NOL10: variants seen among roughly 807,000 people sequenced by gnomAD.
The protein encoded by NOL10 is H_NH0074G24.1.
A neutral mutation model predicts 103.5 loss-of-function variants in NOL10; 58 were observed. The observed-to-expected ratio is 0.56, with a 90% CI of 0.45 to 0.70. The LOEUF is 0.70. NOL10 is among the 30% of genes least tolerant of loss of function. The pLI, the probability that NOL10 is intolerant of heterozygous loss-of-function variation, is 0.00. For synonymous variants in NOL10, 287 were observed against 282.5 expected (o/e 1.02, Z -0.16); for missense variants, 763 against 807.3 (o/e 0.95, Z 0.67).
intron 12 of NOL10, among the ~76,000 whole-genome samples, chr2:10,652,099 G>T (rs1174455111): frequency 1.3e-5 from 2 of 152,076 alleles, no homozygotes. Flanking sequence ...TATTAGCCGG[G>T]CGTGGTGGCG....
At chr2:10,576,210 C>T (rs949905948) in intron 20 of NOL10, among the ~76,000 whole-genome samples, 11 of 152,090 alleles carry the variant, frequency 7.2e-5, no homozygotes, top group Non-Finnish European at 1.0e-4. Flanking sequence ...TAAAGATGAC[C>T]GACAGAGACA....
chr2:10,689,907 G>T lies in NOL10; in HGVS notation c.-46C>A, dbSNP rs370613749. On this transcript the variant is annotated 5_prime_UTR_variant, in exon 1 of 21. Transcript: ENST00000381685. ...AAGTCCCGGGTCCTTTCCCACCAGC[G>T]TGCTCGAGCACCGTAATCCCGGGAC... 3.9e-6 allele frequency: 6 copies of T among 1,556,214 alleles called. No individual in the cohort carries two copies. The highest frequency in any genetic ancestry group is 5.2e-6 in the Non-Finnish European group (6 of 1,144,678).
At chr2:10,669,217 C>G (rs1558341261) in intron 6 of NOL10, among the ~76,000 whole-genome samples, 2 of 151,370 alleles carry the variant, frequency 1.3e-5, no homozygotes, top group Non-Finnish European at 2.9e-5. Context: ...TTAGTAGAGA[C>G]AGGGTTTCAC....
In NOL10 at chr2:10,589,744, G is replaced by A. The variant is rs745677386; in HGVS notation, c.1430C>T (p.Pro477Leu). ...AAATCGATCATCGGTGAGAATATTA[G>A]GAAGACTCTACAAGGAGGAAAAAGT... ...STWKKKVKSLPNILTDDRFKV... is the reference protein window; with the variant it reads ...STWKKKVKSLLNILTDDRFKV... Residue 477 changes from proline (P) to leucine (L), a missense_variant, in exon 18 of 21, where the codon CCT (proline) becomes CTT (leucine). Transcript: ENST00000381685. The A allele has an allele frequency of 4.6e-6, 7 of 1,521,592 alleles. No individual in the cohort carries two copies. The South Asian group carries it at 8.1e-5, about 18-fold the overall frequency. The allele number at this position is 1,521,592 out of a possible 1,614,324, so 94.3% of individuals were successfully genotyped here. A position where few individuals can be genotyped will look rare whatever the true frequency, so the allele number is the denominator to read the frequency against.
rs561914740 is a variant in NOL10, at chr2:10,655,666, T to C, written c.907-1119A>G. Among the ~76,000 whole-genome samples, 7 of 152,298 alleles carry C rather than the reference T, an allele frequency of 4.6e-5. No individual in the cohort carries two copies. In the South Asian group the frequency reaches 8.3e-4, roughly 18 times the overall value. On this transcript the variant is annotated intron_variant, in intron 11 of 20. Transcript: ENST00000381685. ...TGGGTGTTAGTCAAGAGGAAGTCTT[T>C]AGTCATAAGAAACAAAAAAAATGCC... is the stretch of plus-strand genomic sequence containing the variant.
At chr2:10,590,262 C>T (rs1316555210) in intron 17 of NOL10, among the ~76,000 whole-genome samples, 2 of 152,276 alleles carry the variant, frequency 1.3e-5, no homozygotes, top group South Asian at 4.1e-4. Context: ...AGGTGCACCA[C>T]CGCACCCGGC....
intron 16 of NOL10, among the ~76,000 whole-genome samples, chr2:10,601,686 G>A (rs908582207): frequency 3.3e-5 from 5 of 152,092 alleles, no homozygotes; most frequent in Non-Finnish European, 2.9e-5. Context: ...GGTAGTGTGC[G>A]CCTATAGTCC....
intron 13 of NOL10, among the ~76,000 whole-genome samples, chr2:10,642,854 G>A (rs531477261): frequency 7.9e-5 from 12 of 151,990 alleles, no homozygotes; most frequent in African/African-American, 2.4e-4. Context: ...TCTCTCCTAC[G>A]TGCTCCCACC....
At chr2:10,661,109 CTT>C (rs1380154315) in intron 9 of NOL10, among the ~76,000 whole-genome samples, 1 of 152,120 alleles carries the variant, frequency 6.6e-6, no homozygotes, top group Non-Finnish European at 1.5e-5. Context: ...GAGTTTTGCT[CTT>C]GTTGCCCAGG....
At chr2:10,599,847 C>T (rs1675883149) in intron 17 of NOL10, among the ~76,000 whole-genome samples, 2 of 151,980 alleles carry the variant, frequency 1.3e-5, no homozygotes, top group Admixed American at 6.6e-5. Flanking sequence ...CGAGCAATCG[C>T]CCAAGATTAC....
chr2:10,622,279 T>C, intron 13 of NOL10: 1 of 423,366 alleles, frequency 2.4e-6, no homozygotes, highest in Non-Finnish European at 4.8e-6. Flanking sequence ...AAAATGATAT[T>C]GTGATCAAAA....
At chr2:10,647,104 T>C (rs1227491551) in intron 12 of NOL10, among the ~76,000 whole-genome samples, 1 of 152,188 alleles carries the variant, frequency 6.6e-6, no homozygotes, top group Non-Finnish European at 1.5e-5. Context: ...AATAAAACTA[T>C]ACATTTTTAA....
intron 3 of NOL10, among the ~76,000 whole-genome samples, chr2:10,676,330 T>C (rs993569544): frequency 2.0e-5 from 3 of 152,184 alleles, no homozygotes; most frequent in Non-Finnish European, 4.4e-5. Flanking sequence ...CAGAAATATA[T>C]CCACAAGCCT....
chr2:10,571,884 G>C lies in NOL10; in HGVS notation c.*187C>G, dbSNP rs532638249. 57 of 608,410 alleles carry C rather than the reference G, an allele frequency of 9.4e-5. No individual in the cohort carries two copies. The East Asian group carries it at 1.6e-3, about 17-fold the overall frequency. 37.7% of individuals were successfully genotyped at this position (608,410 alleles called of 1,614,324 possible). ...AGCACACCCCTGGGGCTGTGCGGTG[G>C]CCGTCGGCGGGGCCAGCTTCAAAGT... On this transcript the variant is annotated 3_prime_UTR_variant, in exon 21 of 21. Coordinates refer to ENST00000381685, the MANE Select transcript of NOL10 (RefSeq NM_024894.4).
In NOL10 at chr2:10,600,846, A is replaced by G. The variant is rs1247429672; in HGVS notation, c.1422+7T>C. The G allele has an allele frequency of 6.6e-7, 1 of 1,526,000 alleles. No homozygotes were observed. 94.5% of individuals were successfully genotyped at this position (1,526,000 alleles called of 1,614,324 possible). On this transcript the variant is annotated splice_region_variant and intron_variant, in intron 17 of 20. Transcript: ENST00000381685. ...AGAAACAATTTGCCGATACTTTTTC[A>G]CCTTACCTTAACTTTCTTTTTCCAT...
Position 10,587,208 on chromosome 2 carries a change from T to TATATATACACATATATATACAC in NOL10, c.1844+1834_1844+1835insGTGTATATATATGTGTATATAT, listed in dbSNP as rs1553296250. On this transcript the variant is annotated intron_variant, in intron 19 of 20. Coordinates refer to ENST00000381685, the MANE Select transcript of NOL10 (RefSeq NM_024894.4). ...ATATATATACACATATATATACACA[T>TATATATACACATATATATACAC]ATATATATACATATATATACATATA... 1.3e-3 allele frequency among the ~76,000 whole-genome samples: 48 copies of TATATATACACATATATATACAC among 37,592 alleles called. 14 individuals are homozygous for TATATATACACATATATATACAC. Among genetic ancestry groups the TATATATACACATATATATACAC allele is most frequent in the African/African-American group, 1.6e-3 (9 of 5,670 alleles). The allele number at this position is 37,592 out of a possible 152,430, so 24.7% of individuals were successfully genotyped here. A position where few individuals can be genotyped will look rare whatever the true frequency, so the allele number is the denominator to read the frequency against.
chr2:10,622,025 G>A (rs1017748763), intron 13 of NOL10: 1 of 469,766 alleles, frequency 2.1e-6, no homozygotes, highest in South Asian at 1.6e-5. Context: ...CATTTCAAGT[G>A]CTCAACAGCT....
In NOL10 at chr2:10,587,088, CATATATATACACATATATATACAT is replaced by C. The variant is rs1675088998; in HGVS notation, c.1844+1931_1844+1954del. 1.5e-4 allele frequency among the ~76,000 whole-genome samples: 5 copies of C among 32,432 alleles called. 1 individual carries two copies. The highest frequency in any genetic ancestry group is 1.4e-3 in the Admixed American group (5 of 3,528). The allele number at this position is 32,432 out of a possible 152,430, so 21.3% of individuals were successfully genotyped here. On this transcript the variant is annotated intron_variant, in intron 19 of 20. Coordinates refer to ENST00000381685, the MANE Select transcript of NOL10 (RefSeq NM_024894.4). ...ATATACATATATATACATATATATA[CATATATATACACATATATATACAT>C]ATATATACATATATATACATATATA...
chr2:10,572,927 G>A (rs1253488947), intron 20 of NOL10, among the ~76,000 whole-genome samples: 7 of 152,142 alleles, frequency 4.6e-5, no homozygotes, highest in South Asian at 2.1e-4. Flanking sequence ...CATCCCTGGC[G>A]CCAAATGGTT....
Sources: allele counts gnomAD v4.1 joint callset (sites outside exome capture counted in the v4.1 genomes callset), GRCh38; gene constraint gnomAD v4.1.1; transcripts MANE v1.5; gene names NCBI Gene and HGNC (gene_info 2026-07-23, HGNC 2026-07-21).